The following SH3D21 variants were observed in gnomAD, a reference collection of about 807,000 sequenced individuals.
SH3D21 encodes the protein SH3 domain-containing protein 21.
Under a neutral mutation model 82.1 loss-of-function variants are expected in SH3D21, and 83 were observed. The observed-to-expected ratio is 1.01, with a 90% CI of 0.85 to 1.21. The LOEUF (loss-of-function observed/expected upper bound fraction) is 1.21, where lower values mean the gene tolerates loss of function less well. SH3D21 is among the 50% of genes most tolerant of loss of function. The probability of loss-of-function intolerance (pLI) is 0.00; values close to 1 mark genes in which losing one functional copy is unlikely to be tolerated. For missense variants in SH3D21, 980 were observed against 962.1 expected (o/e 1.02, Z -0.25); for synonymous variants, 383 against 387.8 (o/e 0.99, Z 0.15).
intron 14 of SH3D21, 23 bp downstream of exon 14, chr1:36,320,821 T>G: frequency 1.3e-6 from 2 of 1,551,386 alleles, no homozygotes; most frequent in Non-Finnish European, 1.7e-6. Context: ...TGGCGGGGGT[T>G]GTGGAAGGTA....
At position 36,313,391 on chromosome 1, in the gene SH3D21, C is replaced by T. The variant is rs1445690557; in HGVS notation, c.769+3801C>T. 4.6e-5 allele frequency among the ~76,000 whole-genome samples: 7 copies of T among 151,022 alleles called. No individual in the cohort carries two copies. The East Asian group carries it at 1.4e-3, about 29-fold the overall frequency. ...CATCTTTCCTTGCAAGCTGGTAAAA[C>T]TTGTCTGTAAATTCATCTTGCCATA... On this transcript the variant is annotated intron_variant, in intron 10 of 15. Coordinates refer to ENST00000453908, the MANE Select transcript of SH3D21 (RefSeq NM_001162530.2).
intron 7 of SH3D21, 66 bp from the exon 8 acceptor site, chr1:36,308,043 A>AG: frequency 6.5e-7 from 1 of 1,548,694 alleles, no homozygotes; most frequent in African/African-American, 1.4e-5. Flanking sequence ...AGGCTGATGG[A>AG]GGTGGGGGCT....
intron 10 of SH3D21, among the ~76,000 whole-genome samples, chr1:36,317,585 G>A (rs1322504981): frequency 6.6e-6 from 1 of 151,894 alleles, no homozygotes; most frequent in Non-Finnish European, 1.5e-5. Context: ...TTTTTGAGAC[G>A]GAGTTTAACT....
At chr1:36,329,431 A>G (rs1283346207), downstream of SH3D21, among the ~76,000 whole-genome samples, 1 of 152,156 alleles carries the variant, frequency 6.6e-6, no homozygotes, top group Non-Finnish European at 1.5e-5. Context: ...TTATATGCAA[A>G]ATGGAGTTAG....
At chr1:36,312,311 C>T (rs1486842864) in intron 10 of SH3D21, among the ~76,000 whole-genome samples, 1 of 152,218 alleles carries the variant, frequency 6.6e-6, no homozygotes, top group African/African-American at 2.4e-5. Context: ...GCGTGAGCCA[C>T]CGCACACGGC....
rs898267764 is a variant in SH3D21, at chr1:36,306,928, G to A, written c.226+23G>A. On this transcript the variant is annotated intron_variant, in intron 3 of 15. Transcript: ENST00000453908. This position sits in a 1 kb window ranked among gnomAD's most constrained non-coding sequence, Gnocchi z 4.5. ...GAGGTGAGCGCAAGGGCGGGGACGG[G>A]CGCCGGTGGGCGGGTGCACGGAGCC... 3 of 1,323,166 alleles carry A rather than the reference G, an allele frequency of 2.3e-6. No individual in the cohort carries two copies. Among genetic ancestry groups the A allele is most frequent in the East Asian group, 4.6e-5 (1 of 21,890 alleles). 82.0% of individuals were successfully genotyped at this position (1,323,166 alleles called of 1,614,324 possible). A position where few individuals can be genotyped will look rare whatever the true frequency, so the allele number is the denominator to read the frequency against.
intron 10 of SH3D21, among the ~76,000 whole-genome samples, chr1:36,312,986 A>G (rs939782891): frequency 1.3e-5 from 2 of 151,620 alleles, no homozygotes; most frequent in African/African-American, 4.8e-5. Context: ...TGCTGGGATT[A>G]CAGATGTGAG....
Position 36,320,428 on chromosome 1 carries a change from C to T in SH3D21, c.1765C>T (p.Pro589Ser), listed in dbSNP as rs1557485916. ...CCCCCACGAAGAGGCTACAACCCTT[C>T]CAGAGGAGGCACCTTCCAATGACGA... Reference protein sequence around the residue: ...PHPHEEATTLPEEAPSNDERT... With the variant: ...PHPHEEATTLSEEAPSNDERT... Residue 589 changes from proline to serine, a missense_variant, in exon 14 of 16, where the codon CCA (proline) becomes TCA (serine). Pro to Ser is a moderately conservative substitution (Grantham distance 74). Coordinates refer to ENST00000453908, the MANE Select transcript of SH3D21 (RefSeq NM_001162530.2). 4 of 1,612,976 alleles carry T rather than the reference C, an allele frequency of 2.5e-6. No individual in the cohort carries two copies. The highest frequency in any genetic ancestry group is 3.4e-6 in the Non-Finnish European group (4 of 1,179,656).
At chr1:36,328,437 A>G, downstream of SH3D21, 1 of 308,130 alleles carries the variant, frequency 3.2e-6, no homozygotes, top group South Asian at 2.9e-5. Flanking sequence ...AGCACCTGGG[A>G]CAGCTGCTGG....
chr1:36,327,320 C>T (rs1329462172), downstream of SH3D21, among the ~76,000 whole-genome samples: 1 of 152,208 alleles, frequency 6.6e-6, no homozygotes, highest in East Asian at 1.9e-4. Context: ...TGCAGCATTG[C>T]TGGGAGTGCA....
chr1:36,309,740 G>A (rs926482676), intron 10 of SH3D21, 150 bp downstream of exon 10: 13 of 742,548 alleles, frequency 1.8e-5, no homozygotes, highest in Admixed American at 1.4e-4. Flanking sequence ...AGGAATGTAC[G>A]TGAATCAATG....
Position 36,307,108 on chromosome 1 carries a change from C to T in SH3D21, c.227-59C>T, listed in dbSNP as rs1368255982. ...AGGCTACGTGCGCGCCTTGCGCTTC[C>T]CCCAGCTCCTCTGACTGGGGCGTCC... On this transcript the variant is annotated intron_variant, in intron 3 of 15. Coordinates refer to ENST00000453908, the MANE Select transcript of SH3D21 (RefSeq NM_001162530.2). The surrounding 1 kb of genome is among the most constrained non-coding windows in gnomAD (Gnocchi z 5.4). 2.6e-6 allele frequency: 4 copies of T among 1,546,258 alleles called. No individual in the cohort carries two copies. Among genetic ancestry groups the T allele is most frequent in the Non-Finnish European group, 8.7e-7 (1 of 1,143,940 alleles).
chr1:36,320,814 C>A lies in SH3D21; in HGVS notation c.2135+16C>A, dbSNP rs1369435026. Reference sequence around the variant, plus strand: ...TGCAGCTGGAGTGAGTGGGCAGTGGCGGGGGTTGTGGAAGGTAGGGTTCCC... The same window carrying A: ...TGCAGCTGGAGTGAGTGGGCAGTGGAGGGGGTTGTGGAAGGTAGGGTTCCC... On this transcript the variant is annotated intron_variant, in intron 14 of 15. Coordinates refer to ENST00000453908, the MANE Select transcript of SH3D21 (RefSeq NM_001162530.2). The A allele has an allele frequency of 2.6e-6, 4 of 1,553,354 alleles. No homozygotes were observed. The African/African-American group carries it at 4.1e-5, about 16-fold the overall frequency.
In SH3D21 at chr1:36,317,175, C is replaced by G. The variant is rs186261988; in HGVS notation, c.770-1896C>G. On this transcript the variant is annotated intron_variant, in intron 10 of 15. Transcript: ENST00000453908. ...GGCTGCCAAACAGTCTTCTAAGCAC[C>G]TCGCATGTATTAAGTCACTCAGACC... Among the ~76,000 whole-genome samples, 156 of 152,288 alleles carry G rather than the reference C, an allele frequency of 1.0e-3. 1 individual carries two copies. The highest frequency in any genetic ancestry group is 2.7e-3 in the South Asian group (13 of 4,826).
intron 10 of SH3D21, among the ~76,000 whole-genome samples, chr1:36,315,368 G>A (rs1045115679): frequency 7.9e-5 from 12 of 152,074 alleles, no homozygotes; most frequent in African/African-American, 2.9e-4. Flanking sequence ...CTTTTGCGGG[G>A]GGAAGGAGTC....
chr1:36,311,394 T>C (rs1486894889), intron 10 of SH3D21, among the ~76,000 whole-genome samples: 5 of 151,974 alleles, frequency 3.3e-5, no homozygotes, highest in South Asian at 2.1e-4. Context: ...GCGCCTGCCA[T>C]CACGCCCAGC....
intron 7 of SH3D21, 31 bp from the exon 8 acceptor site, chr1:36,308,078 T>G (rs1192431721): frequency 6.5e-7 from 1 of 1,545,636 alleles, no homozygotes; most frequent in African/African-American, 1.4e-5. Context: ...GAGGCTTGGC[T>G]TCAGAGGACA....
chr1:36,309,772 G>A (rs1449882949), intron 10 of SH3D21, among the ~76,000 whole-genome samples, 182 bp downstream of exon 10: 6 of 148,032 alleles, frequency 4.1e-5, no homozygotes, highest in Admixed American at 3.4e-4. Flanking sequence ...TTGTGTGTGT[G>A]TTAATATGTC....
At chr1:36,326,092 G>A (rs1646541419), downstream of SH3D21, among the ~76,000 whole-genome samples, 1 of 152,190 alleles carries the variant, frequency 6.6e-6, no homozygotes, top group South Asian at 2.1e-4. Context: ...GAGTGTCTGG[G>A]CAGGAGTAAG....
Sources: allele counts gnomAD v4.1 joint callset (sites outside exome capture counted in the v4.1 genomes callset), GRCh38; gene constraint gnomAD v4.1.1; non-coding constraint Gnocchi (gnomAD v3.1); transcripts MANE v1.5; gene names NCBI Gene and HGNC (gene_info 2026-07-23, HGNC 2026-07-21).